The following SH3YL1 variants were observed in gnomAD, a reference collection of about 807,000 sequenced individuals.
SH3YL1 encodes SH3 domain-containing YSC84-like protein 1.
In SH3YL1, 41 loss-of-function variants were observed where a neutral mutation model predicts 45.8. That is an observed-to-expected ratio of 0.89 (90% confidence interval 0.70 to 1.16). SH3YL1 has a LOEUF of 1.16. SH3YL1 is among the 50% of genes most tolerant of loss of function. The pLI, the probability that SH3YL1 is intolerant of heterozygous loss-of-function variation, is 0.00. For missense variants in SH3YL1, 389 were observed against 409.6 expected (o/e 0.95, Z 0.43); for synonymous variants, 152 against 151.4 (o/e 1.00, Z -0.03).
At chr2:259,220 C>T (rs948972965) in intron 1 of SH3YL1, among the ~76,000 whole-genome samples, 32 of 152,314 alleles carry the variant, frequency 2.1e-4, no homozygotes, top group Non-Finnish European at 2.8e-4. Flanking sequence ...GGAGCCATTT[C>T]GCTGCCCTGG....
intron 4 of SH3YL1, among the ~76,000 whole-genome samples, chr2:246,675 A>G (rs1274417934): frequency 2.0e-5 from 3 of 152,174 alleles, no homozygotes; most frequent in African/African-American, 7.2e-5. Flanking sequence ...ACTTTCCACC[A>G]GAGGGCGATA....
intron 9 of SH3YL1, among the ~76,000 whole-genome samples, chr2:219,247 T>C (rs1057212300): frequency 2.0e-5 from 3 of 152,254 alleles, no homozygotes; most frequent in African/African-American, 7.2e-5. Context: ...ATCTATGAGA[T>C]AATACAACTT....
chr2:242,880 C>G, intron 4 of SH3YL1: 1 of 1,465,316 alleles, frequency 6.8e-7, no homozygotes. Flanking sequence ...CTCTTTATAT[C>G]AAACAACAAA....
chr2:234,050 A>C, intron 5 of SH3YL1, 110 bp downstream of exon 5: 2 of 793,716 alleles, frequency 2.5e-6, no homozygotes, highest in Non-Finnish European at 4.1e-6. Flanking sequence ...GGCATGTATA[A>C]ATCTGGGGAT....
At chr2:249,957 G>A (rs1558249524) in intron 2 of SH3YL1, 113 bp from the exon 3 acceptor site, 1 of 686,796 alleles carries the variant, frequency 1.5e-6, no homozygotes, top group Non-Finnish European at 2.5e-6. Flanking sequence ...GGAATTCGGG[G>A]CACACAGGAG....
chr2:236,712 T>A (rs1223345611), intron 4 of SH3YL1, among the ~76,000 whole-genome samples: 1 of 152,192 alleles, frequency 6.6e-6, no homozygotes, highest in African/African-American at 2.4e-5. Context: ...TATGCCTTCA[T>A]TATACAGTTA....
chr2:262,423 C>T (rs2103063520), intron 1 of SH3YL1: 1 of 374,430 alleles, frequency 2.7e-6, no homozygotes, highest in East Asian at 8.7e-5. Context: ...TCTGCTCCCT[C>T]GGGAGACAGG....
intron 1 of SH3YL1, chr2:263,601 T>C: frequency 5.0e-6 from 1 of 198,890 alleles, no homozygotes; most frequent in Non-Finnish European, 1.0e-5. Flanking sequence ...TCCCCGCGCC[T>C]GCCGCGGGTT....
intron 2 of SH3YL1, among the ~76,000 whole-genome samples, chr2:250,751 C>T (rs73907914): frequency 5.3e-5 from 8 of 152,240 alleles, no homozygotes; most frequent in African/African-American, 1.9e-4. Flanking sequence ...AATTATGCCA[C>T]CATTTCAAAG....
intron 2 of SH3YL1, among the ~76,000 whole-genome samples, chr2:250,465 T>C (rs1417079522): frequency 2.0e-5 from 3 of 152,218 alleles, no homozygotes; most frequent in Admixed American, 6.5e-5. Context: ...TTTAAAAATA[T>C]TGGTTTATTC....
rs138948475 is a variant in SH3YL1 at position 242,445 on chromosome 2, C to T, written c.291+5093G>A. 3.2e-3 allele frequency among the ~76,000 whole-genome samples: 488 copies of T among 151,798 alleles called. 8 individuals are homozygous for T. The highest frequency in any genetic ancestry group is 5.2e-4 in the Non-Finnish European group (35 of 67,878). On this transcript the variant is annotated intron_variant, in intron 4 of 9. Coordinates refer to ENST00000356150, the MANE Select transcript of SH3YL1 (RefSeq NM_015677.4). ...TTTTGTATCTTATTAAATCAAGTTC[C>T]CATAAATTAGAAATAGTTAAGACAT...
At chr2:254,993 T>C (rs1315523683) in intron 1 of SH3YL1, among the ~76,000 whole-genome samples, 1 of 152,226 alleles carries the variant, frequency 6.6e-6, no homozygotes, top group Non-Finnish European at 1.5e-5. Flanking sequence ...CTGGATCTAA[T>C]CAATCTTACA....
At chr2:229,728 C>CACAA (rs1667947714) in intron 8 of SH3YL1, among the ~76,000 whole-genome samples, 1 of 93,380 alleles carries the variant, frequency 1.1e-5, no homozygotes, top group Non-Finnish European at 2.0e-5. Flanking sequence ...GACTCCGTCT[C>CACAA]AAAAAAAAAA....
At chr2:240,588 T>C (rs1668499306) in intron 4 of SH3YL1, 1 of 152,108 alleles carries the variant, frequency 6.6e-6, no homozygotes, top group Non-Finnish European at 1.5e-5. Flanking sequence ...GAAATAGAAA[T>C]GAGCCTCAAA....
At chr2:249,461 C>T (rs1041492614) in intron 3 of SH3YL1, among the ~76,000 whole-genome samples, 2 of 152,118 alleles carry the variant, frequency 1.3e-5, no homozygotes, top group Non-Finnish European at 2.9e-5. Flanking sequence ...ATATTTGCTC[C>T]ACGGAAGAAT....
At chr2:244,555 A>C (rs1055154967) in intron 4 of SH3YL1, 5 of 98,942 alleles carry the variant, frequency 5.1e-5, no homozygotes, top group African/African-American at 1.5e-4. Context: ...AAGAAAGAAA[A>C]GAAAAGAAAA....
intron 3 of SH3YL1, among the ~76,000 whole-genome samples, chr2:248,778 T>C (rs1302947378): frequency 6.6e-6 from 1 of 152,188 alleles, no homozygotes; most frequent in East Asian, 1.9e-4. Context: ...TTGGTTTTAC[T>C]GCTGAGAAGT....
At chr2:241,320 A>C (rs1394118175) in intron 4 of SH3YL1, 2 of 152,190 alleles carry the variant, frequency 1.3e-5, no homozygotes, top group African/African-American at 2.4e-5. Context: ...CACGCAAAAT[A>C]AAGAACTGGT....
chr2:245,631 T>C (rs569082155), intron 4 of SH3YL1, among the ~76,000 whole-genome samples: 3 of 152,230 alleles, frequency 2.0e-5, no homozygotes, highest in East Asian at 1.9e-4. Flanking sequence ...CAGGTCAGAA[T>C]TGGAGCCAGA....
Sources: allele counts gnomAD v4.1 joint callset (sites outside exome capture counted in the v4.1 genomes callset), GRCh38; gene constraint gnomAD v4.1.1; transcripts MANE v1.5; gene names NCBI Gene and HGNC (gene_info 2026-07-23, HGNC 2026-07-21).